Variants in SCHIP1 observed in about 807,000 individuals in gnomAD.
The protein encoded by SCHIP1 is schwannomin interacting protein 1, also known as schwannomin-interacting protein 1.
In SCHIP1, 8 loss-of-function variants were observed where a neutral mutation model predicts 29.7. The ratio of observed to expected loss-of-function variants is 0.27; its 90% CI spans 0.16 to 0.49. SCHIP1 has a LOEUF of 0.49. SCHIP1 is among the 20% of genes least tolerant of loss of function. The pLI, the probability that SCHIP1 is intolerant of heterozygous loss-of-function variation, is 0.99. For synonymous variants in SCHIP1, 76 were observed against 94.9 expected (o/e 0.80, Z 1.16); for missense variants, 193 against 294.6 (o/e 0.66, Z 2.52).
chr3:159,490,669 G>T, the SCHIP1 span, among the ~76,000 whole-genome samples: 1 of 152,168 alleles, frequency 6.6e-6, no homozygotes, highest in African/African-American at 2.4e-5. Flanking sequence ...GTGTACCAAA[G>T]CTGTGGATAT....
At chr3:159,379,870 C>T in the SCHIP1 span, among the ~76,000 whole-genome samples, 5 of 152,264 alleles carry the variant, frequency 3.3e-5, no homozygotes, top group East Asian at 5.8e-4. Flanking sequence ...TCCGTGTTCT[C>T]GCCTAGCTCT....
chr3:159,295,764 C>A, the SCHIP1 span, among the ~76,000 whole-genome samples: 1 of 152,168 alleles, frequency 6.6e-6, no homozygotes, highest in African/African-American at 2.4e-5. Context: ...TATGTGTTTT[C>A]TTCTAGACTG....
chr3:159,622,935 A>G, the SCHIP1 span, among the ~76,000 whole-genome samples: 2 of 152,156 alleles, frequency 1.3e-5, no homozygotes, highest in Admixed American at 6.5e-5. Context: ...TAAAAAGAAA[A>G]TAATTTACAT....
the SCHIP1 span, among the ~76,000 whole-genome samples, chr3:159,774,274 T>C: frequency 4.5e-4 from 68 of 152,336 alleles, 1 homozygote; most frequent in South Asian, 1.7e-3. Flanking sequence ...TCTCAGATGG[T>C]CTTGCTTCTT....
chr3:159,288,207 CAA>C, the SCHIP1 span, among the ~76,000 whole-genome samples: 1 of 152,108 alleles, frequency 6.6e-6, no homozygotes, highest in Admixed American at 6.6e-5. Context: ...AAGAAGAAAT[CAA>C]AGACAACCAC....
the SCHIP1 span, among the ~76,000 whole-genome samples, chr3:159,693,800 T>C: frequency 6.6e-6 from 1 of 152,228 alleles, no homozygotes; most frequent in Non-Finnish European, 1.5e-5. Context: ...AGCAAAACTA[T>C]AGAGCCTTCT....
At chr3:159,680,233 A>G in the SCHIP1 span, among the ~76,000 whole-genome samples, 96 of 151,956 alleles carry the variant, frequency 6.3e-4, no homozygotes, top group South Asian at 5.0e-3. Flanking sequence ...ATGCAGGGCC[A>G]GGCGCGGTGG....
the SCHIP1 span, among the ~76,000 whole-genome samples, chr3:159,812,529 G>A: frequency 8.5e-5 from 13 of 152,164 alleles, no homozygotes; most frequent in Non-Finnish European, 1.3e-4. Context: ...ATTACATGGC[G>A]TGCATATCCA....
the SCHIP1 span, among the ~76,000 whole-genome samples, chr3:159,704,908 ATTTCTTTCTTTCTTTCTTTCTTTC>A: frequency 2.3e-5 from 1 of 42,560 alleles, no homozygotes. Context: ...TTCTTTCTTT[ATTTCTTTCTTTCTTTCTTTCTTTC>A]TTTCTTTCCT....
the SCHIP1 span, among the ~76,000 whole-genome samples, chr3:159,454,787 G>A: frequency 6.6e-6 from 1 of 152,246 alleles, no homozygotes; most frequent in Non-Finnish European, 1.5e-5. Context: ...ACTTGTCCAA[G>A]GTCACACAGC....
the SCHIP1 span, among the ~76,000 whole-genome samples, chr3:159,501,091 C>T: frequency 3.7e-3 from 571 of 152,288 alleles, 1 homozygote; most frequent in Non-Finnish European, 6.6e-3. Flanking sequence ...TGGAAAATTT[C>T]AGCCAACTAG....
the SCHIP1 span, among the ~76,000 whole-genome samples, chr3:159,329,013 A>T: frequency 6.6e-6 from 1 of 152,202 alleles, no homozygotes; most frequent in Non-Finnish European, 1.5e-5. Flanking sequence ...GGCACATAGC[A>T]GGTGGCCAAA....
the SCHIP1 span, among the ~76,000 whole-genome samples, chr3:159,569,174 T>G: frequency 6.6e-6 from 1 of 152,166 alleles, no homozygotes; most frequent in Non-Finnish European, 1.5e-5. Context: ...TTACTGGTTT[T>G]TTTTTAAATA....
the SCHIP1 span, among the ~76,000 whole-genome samples, chr3:159,536,676 C>T: frequency 2.0e-5 from 3 of 152,100 alleles, no homozygotes; most frequent in Non-Finnish European, 2.9e-5. Context: ...AGAGGTATCA[C>T]CTAAGGAGCA....
chr3:159,370,987 A>G, the SCHIP1 span, among the ~76,000 whole-genome samples: 1 of 152,140 alleles, frequency 6.6e-6, no homozygotes, highest in Non-Finnish European at 1.5e-5. Context: ...AATTCTCATA[A>G]TCTTCTTTTA....
At chr3:159,696,903 G>A in the SCHIP1 span, among the ~76,000 whole-genome samples, 1 of 152,322 alleles carries the variant, frequency 6.6e-6, no homozygotes, top group South Asian at 2.1e-4. Context: ...GAGAAAGGTA[G>A]GGCACTGGCA....
the SCHIP1 span, among the ~76,000 whole-genome samples, chr3:159,336,040 G>A: frequency 2.0e-5 from 3 of 152,152 alleles, no homozygotes; most frequent in African/African-American, 7.2e-5. Flanking sequence ...ACCATTCTAA[G>A]TGGTGTGAGA....
chr3:159,535,829 G>C, the SCHIP1 span, among the ~76,000 whole-genome samples: 1 of 152,102 alleles, frequency 6.6e-6, no homozygotes, highest in African/African-American at 2.4e-5. Flanking sequence ...GTGTGTGTCT[G>C]TGTGTGTGTA....
chr3:159,664,677 G>T, the SCHIP1 span, among the ~76,000 whole-genome samples: 1 of 152,212 alleles, frequency 6.6e-6, no homozygotes, highest in Admixed American at 6.5e-5. Flanking sequence ...GTGTTCAGAG[G>T]CCTATAGGGT....
Sources: allele counts gnomAD v4.1 joint callset (sites outside exome capture counted in the v4.1 genomes callset), GRCh38; gene constraint gnomAD v4.1.1; transcripts MANE v1.5; gene names NCBI Gene and HGNC (gene_info 2026-07-23, HGNC 2026-07-21).